The following GPHN variants were observed in gnomAD, a reference collection of about 807,000 sequenced individuals.
The protein encoded by GPHN is gephyrin.
In GPHN, 17 loss-of-function variants were observed where a neutral mutation model predicts 95.5. That is an observed-to-expected ratio of 0.18 (90% CI 0.12 to 0.27). The LOEUF (loss-of-function observed/expected upper bound fraction) is 0.27. GPHN is among the 10% of genes least tolerant of loss of function. The pLI is 1.00. For missense variants in GPHN, 660 were observed against 978.1 expected (o/e 0.67, Z 4.34); for synonymous variants, 320 against 322.5 (o/e 0.99, Z 0.08).
intron 17 of GPHN, 43 bp downstream of exon 17, chr14:67,122,420 T>A (rs865824514): frequency 3.2e-6 from 5 of 1,582,508 alleles, no homozygotes; most frequent in Middle Eastern, 3.3e-4. Context: ...ATTGTACAAA[T>A]ACGAGTTTTT....
chr14:66,660,905 C>G (rs929155605), intron 1 of GPHN, among the ~76,000 whole-genome samples: 1 of 152,072 alleles, frequency 6.6e-6, no homozygotes, highest in African/African-American at 2.4e-5. Context: ...AAACCATGCC[C>G]CTCCCACAGA....
At chr14:67,692,898 C>T in the GPHN span, 4 of 1,347,872 alleles carry the variant, frequency 3.0e-6, no homozygotes, top group Non-Finnish European at 4.2e-6. Flanking sequence ...GGTAAAACAG[C>T]AGTAATAGGA....
At chr14:67,206,642 T>C in the GPHN span, among the ~76,000 whole-genome samples, 1 of 152,156 alleles carries the variant, frequency 6.6e-6, no homozygotes, top group Non-Finnish European at 1.5e-5. Context: ...ATGATCTAAG[T>C]AGACGTAAAA....
chr14:66,989,652 A>G (rs2071269242), intron 9 of GPHN, among the ~76,000 whole-genome samples: 1 of 113,692 alleles, frequency 8.8e-6, no homozygotes, highest in East Asian at 2.6e-4. Context: ...ACTGTCCAAT[A>G]TAGAAAAAAA....
chr14:66,956,997 G>A (rs2068556289), intron 8 of GPHN, among the ~76,000 whole-genome samples: 1 of 149,164 alleles, frequency 6.7e-6, no homozygotes, highest in African/African-American at 2.5e-5. Flanking sequence ...ATAGCACTGG[G>A]AGATATACCT....
At chr14:66,696,283 A>G (rs566946142) in intron 2 of GPHN, among the ~76,000 whole-genome samples, 1 of 152,312 alleles carries the variant, frequency 6.6e-6, no homozygotes, top group South Asian at 2.1e-4. Flanking sequence ...AGTCTGCTCA[A>G]TTTTGCTGTA....
At chr14:67,410,702 C>T in the GPHN span, among the ~76,000 whole-genome samples, 23 of 152,276 alleles carry the variant, frequency 1.5e-4, no homozygotes, top group Middle Eastern at 6.8e-3. Context: ...CCAGCCACCC[C>T]GGGAGGCAAT....
the GPHN span, among the ~76,000 whole-genome samples, chr14:67,709,900 G>A: frequency 6.6e-6 from 1 of 152,148 alleles, no homozygotes; most frequent in Non-Finnish European, 1.5e-5. Flanking sequence ...AACTGCTTAG[G>A]GCAAACCTGC....
chr14:66,736,249 A>G (rs1287809982), intron 2 of GPHN, among the ~76,000 whole-genome samples: 1 of 152,068 alleles, frequency 6.6e-6, no homozygotes, highest in Non-Finnish European at 1.5e-5. Flanking sequence ...TCTTATTTCC[A>G]TAATAGAGAA....
At position 66,750,658 on chromosome 14, in the gene GPHN, A is replaced by T. The variant is rs755743566; in HGVS notation, c.144-25806A>T. On this transcript the variant is annotated intron_variant, in intron 2 of 22. Transcript: ENST00000478722. ...GAAAAAGGTAAATTAAAGCTTACCA[A>T]TGTTTTGTAAAATTCTAAGTATCAC... Among the ~76,000 whole-genome samples, 4 of 151,948 alleles carry T rather than the reference A, an allele frequency of 2.6e-5. 1 individual carries two copies. In the South Asian group the frequency reaches 6.2e-4, roughly 24 times the overall value.
chr14:67,488,822 C>T, the GPHN span: 1 of 152,282 alleles, frequency 6.6e-6, no homozygotes, highest in Non-Finnish European at 1.5e-5. Flanking sequence ...GCAGCCCTGG[C>T]AGATGAAGCC....
At chr14:67,658,062 T>G in the GPHN span, among the ~76,000 whole-genome samples, 107 of 152,148 alleles carry the variant, frequency 7.0e-4, 1 homozygote, top group Non-Finnish European at 1.1e-3. Context: ...TGTAGCATTT[T>G]CACTTAATAA....
rs969365124 is a variant in GPHN, at chr14:67,028,407, T to C, written c.1006+4732T>C. Among the ~76,000 whole-genome samples, 12 of 152,236 alleles carry C rather than the reference T, an allele frequency of 7.9e-5. No individual in the cohort carries two copies. In the East Asian group the frequency reaches 2.3e-3, roughly 29 times the overall value. ...AATATAGCAGAATTGCTGAGTTATA[T>C]GGTAGTTCTATTTGTAGTTTTTTGA... On this transcript the variant is annotated intron_variant, in intron 10 of 22. Transcript: ENST00000478722.
At chr14:67,193,607 A>G in the GPHN span, among the ~76,000 whole-genome samples, 1 of 145,786 alleles carries the variant, frequency 6.9e-6, no homozygotes, top group East Asian at 2.0e-4. Context: ...ATCTATAGAT[A>G]TATAGATAGA....
the GPHN span, among the ~76,000 whole-genome samples, chr14:67,484,759 A>C: frequency 6.6e-6 from 1 of 152,174 alleles, no homozygotes; most frequent in African/African-American, 2.4e-5. Context: ...CCTCATTTCT[A>C]ATAAAGAAAA....
intron 8 of GPHN, among the ~76,000 whole-genome samples, chr14:66,937,243 A>G (rs1567124696): frequency 1.3e-5 from 2 of 152,032 alleles, no homozygotes; most frequent in African/African-American, 4.8e-5. Flanking sequence ...GATTCAAGCA[A>G]TCCACCCTCC....
chr14:67,678,466 G>T, the GPHN span: 1 of 1,344,202 alleles, frequency 7.4e-7, no homozygotes, highest in South Asian at 1.2e-5. Flanking sequence ...TGTTAAGAAT[G>T]AAGTCTGCCA....
intron 1 of GPHN, among the ~76,000 whole-genome samples, chr14:66,593,755 G>A (rs1302051188): frequency 6.6e-6 from 1 of 152,106 alleles, no homozygotes; most frequent in Non-Finnish European, 1.5e-5. Context: ...TTTTTCCTAA[G>A]ATGAGGAACA....
chr14:66,841,746 A>G (rs2062097583), intron 4 of GPHN, among the ~76,000 whole-genome samples: 1 of 152,122 alleles, frequency 6.6e-6, no homozygotes, highest in Non-Finnish European at 1.5e-5. Context: ...GCAATTAGAT[A>G]TTAAGTATAT....
Sources: allele counts gnomAD v4.1 joint callset (sites outside exome capture counted in the v4.1 genomes callset), GRCh38; gene constraint gnomAD v4.1.1; transcripts MANE v1.5; gene names NCBI Gene and HGNC (gene_info 2026-07-23, HGNC 2026-07-21).